LOC400499: variants seen among roughly 807,000 people sequenced by gnomAD.
At chr16:11,448,700 C>T in the LOC400499 span, among the ~76,000 whole-genome samples, 1 of 151,910 alleles carries the variant, frequency 6.6e-6, no homozygotes, top group African/African-American at 2.4e-5. Flanking sequence ...GAACTCCAGC[C>T]TGGGCAACAG....
chr16:11,419,098 G>A, the LOC400499 span, among the ~76,000 whole-genome samples: 662 of 149,738 alleles, frequency 4.4e-3, 1 homozygote, highest in Non-Finnish European at 6.9e-3. Context: ...CCCAGGGGGC[G>A]GAGCTTGCAG....
At chr16:11,441,167 G>T in the LOC400499 span, 7 of 398,154 alleles carry the variant, frequency 1.8e-5, no homozygotes, top group East Asian at 2.1e-4. Flanking sequence ...GTGGTCAGAA[G>T]AAAGTAGTCC....
chr16:11,426,487 A>G, the LOC400499 span, among the ~76,000 whole-genome samples: 1 of 152,168 alleles, frequency 6.6e-6, no homozygotes, highest in Non-Finnish European at 1.5e-5. Context: ...AATAGCAAAC[A>G]TTAAAATTAT....
At chr16:11,503,840 G>A in the LOC400499 span, among the ~76,000 whole-genome samples, 3 of 152,182 alleles carry the variant, frequency 2.0e-5, no homozygotes, top group South Asian at 4.1e-4. Flanking sequence ...TGCCACCATC[G>A]CAGCTGGCCC....
At chr16:11,502,562 G>A in the LOC400499 span, among the ~76,000 whole-genome samples, 45 of 151,544 alleles carry the variant, frequency 3.0e-4, no homozygotes, top group African/African-American at 1.0e-3. Flanking sequence ...ATGAGTCTTA[G>A]CATATTTCAA....
chr16:11,509,571 C>G, the LOC400499 span, among the ~76,000 whole-genome samples: 1 of 151,702 alleles, frequency 6.6e-6, no homozygotes, highest in African/African-American at 2.4e-5. Context: ...AGGCTCATGC[C>G]TGTAATCCCA....
the LOC400499 span, among the ~76,000 whole-genome samples, chr16:11,495,858 A>T: frequency 6.6e-6 from 1 of 152,202 alleles, no homozygotes; most frequent in Non-Finnish European, 1.5e-5. Flanking sequence ...CTATAGATAG[A>T]ACTGAGACTT....
the LOC400499 span, chr16:11,399,711 G>A: frequency 2.5e-6 from 1 of 398,928 alleles, no homozygotes; most frequent in Admixed American, 4.4e-5. Context: ...CCTGCCCCGG[G>A]GAGGCGGCCA....
chr16:11,402,350 G>A, the LOC400499 span: 15 of 391,764 alleles, frequency 3.8e-5, no homozygotes, highest in African/African-American at 3.1e-4. Flanking sequence ...ATTACCACTC[G>A]ACACCCTGCA....
At chr16:11,384,114 C>A in the LOC400499 span, 1 of 1,224,164 alleles carries the variant, frequency 8.2e-7, no homozygotes, top group South Asian at 4.2e-5. Context: ...CCTACGAAGT[C>A]CTCTGCAGAG....
chr16:11,388,194 C>A, the LOC400499 span, among the ~76,000 whole-genome samples: 1 of 152,072 alleles, frequency 6.6e-6, no homozygotes, highest in Non-Finnish European at 1.5e-5. Context: ...CACCTGAATC[C>A]ATGTTTTGGC....
chr16:11,517,965 T>A, the LOC400499 span, among the ~76,000 whole-genome samples: 1 of 152,156 alleles, frequency 6.6e-6, no homozygotes, highest in Non-Finnish European at 1.5e-5. Flanking sequence ...CAGCGGTCAC[T>A]CTCCAGCTCC....
the LOC400499 span, among the ~76,000 whole-genome samples, chr16:11,379,473 CTCTA>C: frequency 6.6e-6 from 1 of 152,248 alleles, no homozygotes; most frequent in African/African-American, 2.4e-5. Context: ...GCTACTCCTT[CTCTA>C]TCTTATTTCA....
the LOC400499 span, among the ~76,000 whole-genome samples, chr16:11,490,617 C>T: frequency 6.6e-6 from 1 of 152,126 alleles, no homozygotes; most frequent in Non-Finnish European, 1.5e-5. Flanking sequence ...AGGAGAATGG[C>T]ATGAACCCGG....
chr16:11,458,110 C>T, the LOC400499 span, among the ~76,000 whole-genome samples: 2 of 152,146 alleles, frequency 1.3e-5, no homozygotes, highest in African/African-American at 4.8e-5. Flanking sequence ...TTTGGGAGGC[C>T]AAGGCAGGCG....
At chr16:11,438,482 C>T in the LOC400499 span, among the ~76,000 whole-genome samples, 1 of 151,982 alleles carries the variant, frequency 6.6e-6, no homozygotes, top group African/African-American at 2.4e-5. Flanking sequence ...TAAAAAAATG[C>T]TATCAGGGCT....
chr16:11,444,889 C>T, the LOC400499 span, among the ~76,000 whole-genome samples: 1 of 151,998 alleles, frequency 6.6e-6, no homozygotes, highest in Non-Finnish European at 1.5e-5. Context: ...CAAGACCAGC[C>T]TGGGCAATAT....
chr16:11,378,273 GGGAGGGGGGAGGT>G, the LOC400499 span, among the ~76,000 whole-genome samples: 1 of 140,616 alleles, frequency 7.1e-6, no homozygotes, highest in South Asian at 2.3e-4. Flanking sequence ...TTTTGCCGGG[GGGAGGGGGGAGGT>G]GGAGTCTAGC....
chr16:11,423,065 C>T, the LOC400499 span: 2 of 398,528 alleles, frequency 5.0e-6, no homozygotes, highest in East Asian at 3.6e-5. Flanking sequence ...CTCCTGGCAG[C>T]GAACTCAGCT....
Sources: gnomAD v4.1 joint callset for allele counts (sites outside exome capture counted in the v4.1 genomes callset) on GRCh38, gnomAD v4.1.1 for gene constraint, MANE v1.5 for transcripts.